Variants in SP110 observed in about 807,000 individuals in gnomAD.
The protein encoded by SP110 is interferon-induced protein 41, 30kD.
In SP110, 62 loss-of-function variants were observed where a neutral mutation model predicts 92.7. That is an observed-to-expected ratio of 0.67 (90% CI 0.55 to 0.83). SP110 has a LOEUF of 0.83. Among genes scored for constraint, SP110 ranks in the 40% least tolerant of loss-of-function variants. SP110 has a pLI of 0.00. For missense variants in SP110, 793 were observed against 863.9 expected (o/e 0.92, Z 1.03); for synonymous variants, 273 against 305.3 (o/e 0.89, Z 1.10).
intron 12 of SP110, among the ~76,000 whole-genome samples, chr2:230,182,109 C>T (rs768849881): frequency 1.9e-4 from 29 of 152,306 alleles, no homozygotes; most frequent in Admixed American, 2.6e-4. Context: ...ATATACACCA[C>T]GGAATACTAT....
intron 11 of SP110, among the ~76,000 whole-genome samples, chr2:230,185,773 G>A (rs1211884706): frequency 2.0e-5 from 3 of 152,218 alleles, no homozygotes; most frequent in Non-Finnish European, 2.9e-5. Context: ...GAGTAGTCAT[G>A]TAAATCCACA....
chr2:230,175,984 C>T (rs540535462), intron 14 of SP110, among the ~76,000 whole-genome samples: 115 of 139,550 alleles, frequency 8.2e-4, no homozygotes, highest in Non-Finnish European at 1.6e-3. Flanking sequence ...TGCTCTGTTG[C>T]CCCAGCTGGA....
intron 3 of SP110, 91 bp from the exon 4 acceptor site, chr2:230,213,118 TG>T: frequency 8.0e-7 from 1 of 1,256,016 alleles, no homozygotes; most frequent in Non-Finnish European, 1.2e-6. Context: ...TCCAATAGGA[TG>T]GGGGCATGGA....
chr2:230,218,459 A>G (rs547328017), intron 1 of SP110, among the ~76,000 whole-genome samples: 2 of 152,332 alleles, frequency 1.3e-5, no homozygotes, highest in East Asian at 3.9e-4. Context: ...AGAGAAATCT[A>G]CTATCCACAA....
Position 230,168,452 on chromosome 2 carries a change from G to T in SP110, c.*672C>A, listed in dbSNP as rs2078347567. 6.6e-6 allele frequency: 1 copy of T among 151,972 alleles called. No individual in the cohort carries two copies. Among genetic ancestry groups the T allele is most frequent in the African/African-American group, 2.4e-5 (1 of 41,392 alleles). The allele number at this position is 151,972 out of a possible 1,614,324, so 9.4% of individuals were successfully genotyped here. ...TTTTGCAACCTCTGATGATATCACGGATTTAGGTATTGCTAAAACCATCAG... is the reference window on the plus strand; with the variant it reads ...TTTTGCAACCTCTGATGATATCACGTATTTAGGTATTGCTAAAACCATCAG... On this transcript the variant is annotated 3_prime_UTR_variant, in exon 19 of 19. Transcript: ENST00000258381.
In SP110 at chr2:230,165,425, G is replaced by A. The variant is rs188702645; in HGVS notation, c.*3699C>T. 2.0e-5 allele frequency among the ~76,000 whole-genome samples: 3 copies of A among 152,082 alleles called. No homozygotes were observed. Among genetic ancestry groups the A allele is most frequent in the Non-Finnish European group, 4.4e-5 (3 of 68,006 alleles). On this transcript the variant is annotated 3_prime_UTR_variant, in exon 19 of 19. Coordinates refer to ENST00000258381, the MANE Select transcript of SP110 (RefSeq NM_080424.4). ...GTGAAAACAGAAACACATTAATACT[G>A]TTCTCAAAAATACAGGTTATCACGT...
chr2:230,212,708 A>C, intron 4 of SP110, 53 bp downstream of exon 4: 1 of 1,608,426 alleles, frequency 6.2e-7, no homozygotes, highest in East Asian at 2.2e-5. Context: ...GCAACATGGC[A>C]CAGGCACCTT....
At chr2:230,221,634 C>A (rs1221612213), upstream of SP110, 1 of 1,387,538 alleles carries the variant, frequency 7.2e-7, no homozygotes, top group South Asian at 1.2e-5. Context: ...TAACATACAG[C>A]GCTGTGATGC....
At chr2:230,173,418 T>G in intron 14 of SP110, 1 of 224,128 alleles carries the variant, frequency 4.5e-6, no homozygotes, top group Non-Finnish European at 9.2e-6. Flanking sequence ...TAACATAACA[T>G]GGCCCTAAAA....
intron 13 of SP110, 44 bp from the exon 14 acceptor site, chr2:230,177,724 G>C: frequency 6.2e-7 from 1 of 1,604,198 alleles, no homozygotes; most frequent in Admixed American, 1.7e-5. Context: ...CATCCTCTGT[G>C]AATTCACCCT....
At position 230,202,675 on chromosome 2, in the gene SP110, C is replaced by A. The variant is rs201742692; in HGVS notation, c.952G>T (p.Val318Phe). ...IQKKLKRVDQ[V>F]PQKKDDSTCN... The stretch of plus-strand genomic sequence containing the variant: ...GTTGAGTCATCTTTCTTTTGAGGAA[C>A]CTGATCCACCCTTTTGAGCTTCTTT... The change falls in exon 9 of 19, where the codon GTT becomes TTT. Residue 318 changes from valine (V) to phenylalanine (F), a missense_variant. Physicochemically the swap from Val to Phe is conservative, Grantham distance 50. Coordinates refer to ENST00000258381, the MANE Select transcript of SP110 (RefSeq NM_080424.4). The A allele has an allele frequency of 6.2e-7, 1 of 1,614,120 alleles. No homozygotes were observed. Among genetic ancestry groups the A allele is most frequent in the Non-Finnish European group, 8.5e-7 (1 of 1,179,976 alleles).
chr2:230,172,933 C>T lies in SP110; in HGVS notation c.1617G>A (p.Val539=), dbSNP rs764293077. ...AGAGAAGTTGTCCCCCTTGACAGCACACCTCGCATTCATCCGAGTTTTTCC... is the reference window on the plus strand; with the variant it reads ...AGAGAAGTTGTCCCCCTTGACAGCATACCTCGCATTCATCCGAGTTTTTCC... ...LKRKNSDECE[V]CCQGGQLLCC... is the part of the protein sequence containing the mutation. Residue 539 remains valine, a synonymous_variant, in exon 15 of 19, where the codon GTG becomes GTA. Transcript: ENST00000258381. 4 of 1,613,932 alleles carry T rather than the reference C, an allele frequency of 2.5e-6. No homozygotes were observed. Among genetic ancestry groups the T allele is most frequent in the Admixed American group, 1.7e-5 (1 of 60,008 alleles).
rs200347589 is a variant in SP110, at chr2:230,183,640, T to C, written c.1280A>G (p.Glu427Gly). 6.6e-7 allele frequency: 1 copy of C among 1,506,688 alleles called. No individual in the cohort carries two copies. The highest frequency in any genetic ancestry group is 1.4e-5 in the African/African-American group (1 of 72,856). The allele number at this position is 1,506,688 out of a possible 1,614,324, so 93.3% of individuals were successfully genotyped here. Residue 427 changes from glutamate to glycine, a missense_variant and splice_region_variant, in exon 12 of 19, where the codon GAA becomes GGA. Coordinates refer to ENST00000258381, the MANE Select transcript of SP110 (RefSeq NM_080424.4). ...ACAGATATCTTTCTCCTTTTTCTTT[T>C]CTAAACACAGAATTAATAATCACTT... Reference protein sequence around the residue: ...TKCARKSRLKEKKKEKDICSS... With the variant: ...TKCARKSRLKGKKKEKDICSS...
At chr2:230,187,345 G>A (rs571816835) in intron 10 of SP110, among the ~76,000 whole-genome samples, 3 of 151,788 alleles carry the variant, frequency 2.0e-5, no homozygotes, top group African/African-American at 7.2e-5. Flanking sequence ...CTTTTTGTGG[G>A]ATTTTTTTCT....
At chr2:230,177,718 C>T (rs948943332) in intron 13 of SP110, 38 bp from the exon 14 acceptor site, 4 of 1,609,898 alleles carry the variant, frequency 2.5e-6, no homozygotes, top group Non-Finnish European at 3.4e-6. Context: ...TACCCCCATC[C>T]TCTGTGAATT....
intron 12 of SP110, among the ~76,000 whole-genome samples, chr2:230,181,495 C>A (rs2042125912): frequency 6.6e-6 from 1 of 152,176 alleles, no homozygotes; most frequent in Admixed American, 6.5e-5. Flanking sequence ...GAGACCCACC[C>A]CTACCTGCTG....
chr2:230,179,991 G>C (rs60170720), intron 12 of SP110, among the ~76,000 whole-genome samples: 8,546 of 152,174 alleles, frequency 0.056, 766 homozygotes, highest in African/African-American at 0.19. Flanking sequence ...GTCTGGCTCA[G>C]CCTCACCTAC....
rs77807964 is a variant in SP110 at position 230,181,262 on chromosome 2, T to A, written c.1348+2310A>T. On this transcript the variant is annotated intron_variant, in intron 12 of 18. Coordinates refer to ENST00000258381, the MANE Select transcript of SP110 (RefSeq NM_080424.4). ...TGAGGAAGGGGCACCTTTTTCTAAC[T>A]CACACACATGCATCAGATAGGCCCA... Among the ~76,000 whole-genome samples, 89 of 152,364 alleles carry A rather than the reference T, an allele frequency of 5.8e-4. 1 individual carries two copies. The East Asian group carries it at 0.017, about 28-fold the overall frequency.
intron 1 of SP110, among the ~76,000 whole-genome samples, chr2:230,218,755 C>T (rs949504672): frequency 1.2e-4 from 18 of 152,324 alleles, no homozygotes; most frequent in South Asian, 2.1e-4. Flanking sequence ...CAAGATACTA[C>T]ATCTCATATA....
Sources: allele counts gnomAD v4.1 joint callset (sites outside exome capture counted in the v4.1 genomes callset), GRCh38; gene constraint gnomAD v4.1.1; transcripts MANE v1.5; gene names NCBI Gene and HGNC (gene_info 2026-07-23, HGNC 2026-07-21).